RFPL1: variants seen among roughly 807,000 people sequenced by gnomAD.
RFPL1 encodes the protein ret finger protein-like 1.
Under a neutral mutation model 9.6 loss-of-function variants are expected in RFPL1, and 6 were observed. The ratio of observed to expected loss-of-function variants is 0.62; its 90% CI spans 0.34 to 1.23. The LOEUF is 1.23. Ranked by LOEUF, RFPL1 falls within the 50% of genes most tolerant of loss-of-function variation. The pLI, the probability that RFPL1 is intolerant of heterozygous loss-of-function variation, is 0.03. For missense variants in RFPL1, 352 were observed against 398.4 expected (o/e 0.88, Z 0.99); for synonymous variants, 145 against 149.4 (o/e 0.97, Z 0.22).
chr22:29,425,735 G>A, the RFPL1 span, among the ~76,000 whole-genome samples: 1 of 152,054 alleles, frequency 6.6e-6, no homozygotes, highest in Non-Finnish European at 1.5e-5. Flanking sequence ...GGGAGGCCGC[G>A]GTGGGTGGAT....
At chr22:29,402,991 T>C in the RFPL1 span, among the ~76,000 whole-genome samples, 309 of 133,720 alleles carry the variant, frequency 2.3e-3, no homozygotes, top group African/African-American at 9.4e-3. Flanking sequence ...CCAGGTGACA[T>C]AGGAGGCTTT....
At chr22:29,429,386 T>C in the RFPL1 span, among the ~76,000 whole-genome samples, 3 of 151,716 alleles carry the variant, frequency 2.0e-5, no homozygotes, top group African/African-American at 7.3e-5. Context: ...ATTAACAAAA[T>C]TGACAAACTG....
the RFPL1 span, among the ~76,000 whole-genome samples, chr22:29,432,533 G>A: frequency 6.6e-6 from 1 of 152,218 alleles, no homozygotes; most frequent in Non-Finnish European, 1.5e-5. Context: ...CCGAGCGTTA[G>A]CGTCTCTCGG....
the RFPL1 span, among the ~76,000 whole-genome samples, chr22:29,417,830 C>T: frequency 9.2e-5 from 14 of 152,046 alleles, no homozygotes; most frequent in Middle Eastern, 3.4e-3. Context: ...AGAGAACAGT[C>T]TCCATTTAGT....
the RFPL1 span, among the ~76,000 whole-genome samples, chr22:29,411,238 G>A: frequency 6.6e-6 from 1 of 152,116 alleles, no homozygotes; most frequent in Non-Finnish European, 1.5e-5. Flanking sequence ...AAGGGGGTTG[G>A]GAGTGATGGA....
the RFPL1 span, among the ~76,000 whole-genome samples, chr22:29,405,535 G>A: frequency 7.2e-5 from 11 of 152,206 alleles, no homozygotes; most frequent in African/African-American, 2.7e-4. Flanking sequence ...CCTCTCCAGG[G>A]CATCAACCAT....
upstream of RFPL1, chr22:29,437,730 G>A: frequency 6.3e-7 from 1 of 1,588,912 alleles, no homozygotes; most frequent in Non-Finnish European, 8.5e-7. Context: ...CAGCAGAAGA[G>A]GTGAGCCCAT....
chr22:29,398,060 CA>C, the RFPL1 span, among the ~76,000 whole-genome samples: 3 of 152,236 alleles, frequency 2.0e-5, no homozygotes, highest in Non-Finnish European at 4.4e-5. Flanking sequence ...TCAGAGCTCT[CA>C]GTGCTGTGGC....
intron 1 of RFPL1, 99 bp from the exon 2 acceptor site, chr22:29,441,443 A>C: frequency 7.1e-7 from 1 of 1,405,844 alleles, no homozygotes; most frequent in South Asian, 1.4e-5. Context: ...AGAGAATTAA[A>C]GAAACCAAAG....
the RFPL1 span, among the ~76,000 whole-genome samples, chr22:29,389,416 G>T: frequency 6.7e-6 from 1 of 148,962 alleles, no homozygotes; most frequent in Non-Finnish European, 1.5e-5. Flanking sequence ...GCCGGGCATG[G>T]TGGCTCACAC....
At chr22:29,411,075 G>A in the RFPL1 span, among the ~76,000 whole-genome samples, 8 of 152,134 alleles carry the variant, frequency 5.3e-5, no homozygotes, top group African/African-American at 1.7e-4. Flanking sequence ...CAGCTTCTAC[G>A]GTGAATCCAT....
the RFPL1 span, among the ~76,000 whole-genome samples, chr22:29,408,289 G>T: frequency 6.6e-6 from 1 of 152,288 alleles, no homozygotes; most frequent in East Asian, 1.9e-4. Flanking sequence ...ACATTGATGA[G>T]GTTGCCCTAG....
At chr22:29,395,555 A>G in the RFPL1 span, among the ~76,000 whole-genome samples, 1 of 152,094 alleles carries the variant, frequency 6.6e-6, no homozygotes, top group South Asian at 2.1e-4. Flanking sequence ...CACCATTTCT[A>G]GTCTTCCCAG....
chr22:29,428,054 A>T, the RFPL1 span, among the ~76,000 whole-genome samples: 1 of 152,238 alleles, frequency 6.6e-6, no homozygotes, highest in Non-Finnish European at 1.5e-5. Context: ...ATAAGTCCCT[A>T]TTAAATGTTT....
chr22:29,395,675 A>G, the RFPL1 span, among the ~76,000 whole-genome samples: 1 of 152,124 alleles, frequency 6.6e-6, no homozygotes, highest in African/African-American at 2.4e-5. Flanking sequence ...GATGCATCGA[A>G]AAAGCCCAGG....
At chr22:29,427,299 AG>A in the RFPL1 span, among the ~76,000 whole-genome samples, 1,449 of 152,288 alleles carry the variant, frequency 9.5e-3, 26 homozygotes, top group African/African-American at 0.033. Context: ...CTCAGGCTGT[AG>A]GGGCACAAGG....
chr22:29,400,104 T>G, the RFPL1 span, among the ~76,000 whole-genome samples: 4 of 150,954 alleles, frequency 2.6e-5, no homozygotes, highest in Admixed American at 6.6e-5. Flanking sequence ...CACGCCATTC[T>G]CCTGCCTCAG....
At chr22:29,427,043 A>C in the RFPL1 span, among the ~76,000 whole-genome samples, 1 of 152,170 alleles carries the variant, frequency 6.6e-6, no homozygotes, top group Non-Finnish European at 1.5e-5. Flanking sequence ...TTTCCTTCCA[A>C]CTTGTAAGTT....
At chr22:29,400,905 GT>G in the RFPL1 span, among the ~76,000 whole-genome samples, 2 of 152,214 alleles carry the variant, frequency 1.3e-5, no homozygotes, top group African/African-American at 4.8e-5. Context: ...CCTGTGCTAG[GT>G]GAGGCCATTA....
Sources: gnomAD v4.1 joint callset for allele counts (sites outside exome capture counted in the v4.1 genomes callset) on GRCh38, gnomAD v4.1.1 for gene constraint, MANE v1.5 for transcripts, NCBI Gene and HGNC (gene_info 2026-07-23, HGNC 2026-07-21) for gene names.